Variants in NTRK3 observed in about 807,000 individuals in gnomAD.
NTRK3 encodes NT-3 growth factor receptor.
NTRK3 carries 24 observed loss-of-function variants against 91.7 expected under a neutral mutation model. That is an observed-to-expected ratio of 0.26 (90% confidence interval 0.19 to 0.37). The LOEUF (loss-of-function observed/expected upper bound fraction) is 0.37, where lower values mean the gene tolerates loss of function less well. Among genes scored for constraint, NTRK3 ranks in the 10% least tolerant of loss-of-function variants. The pLI is 1.00. For synonymous variants in NTRK3, 483 were observed against 404.0 expected (o/e 1.20, Z -2.34); for missense variants, 880 against 1,068.9 (o/e 0.82, Z 2.46).
intron 15 of NTRK3, among the ~76,000 whole-genome samples, chr15:87,935,604 A>G (rs1219917357): frequency 1.3e-5 from 2 of 152,178 alleles, no homozygotes; most frequent in Non-Finnish European, 2.9e-5. Flanking sequence ...TGAACCCAGC[A>G]TGGGTGGGAT....
At chr15:88,049,911 A>C (rs976416504) in intron 13 of NTRK3, among the ~76,000 whole-genome samples, 3 of 152,260 alleles carry the variant, frequency 2.0e-5, no homozygotes, top group Non-Finnish European at 4.4e-5. Context: ...TTAGACAGTG[A>C]AGAAGTTTTG....
chr15:87,914,038 C>A (rs771934591), intron 17 of NTRK3, among the ~76,000 whole-genome samples: 5 of 152,166 alleles, frequency 3.3e-5, no homozygotes, highest in Non-Finnish European at 7.3e-5. Flanking sequence ...TATTTCTGAA[C>A]CTGCTGAGAA....
At chr15:88,188,377 G>C (rs1481676488) in intron 3 of NTRK3, among the ~76,000 whole-genome samples, 1 of 152,180 alleles carries the variant, frequency 6.6e-6, no homozygotes, top group African/African-American at 2.4e-5. Context: ...ATTTTTGATT[G>C]TCACAGCTGG....
At chr15:87,898,343 T>A (rs2066253064) in intron 17 of NTRK3, among the ~76,000 whole-genome samples, 1 of 152,150 alleles carries the variant, frequency 6.6e-6, no homozygotes, top group African/African-American at 2.4e-5. Context: ...TTCAAGGCAG[T>A]TCCACCTAAG....
At chr15:88,187,310 G>A (rs1166400279) in intron 3 of NTRK3, among the ~76,000 whole-genome samples, 1 of 152,142 alleles carries the variant, frequency 6.6e-6, no homozygotes, top group African/African-American at 2.4e-5. Context: ...CCACATCAGA[G>A]CAGGTTCCGA....
At chr15:88,141,448 G>A (rs564987378) in intron 6 of NTRK3, among the ~76,000 whole-genome samples, 1 of 152,336 alleles carries the variant, frequency 6.6e-6, no homozygotes, top group African/African-American at 2.4e-5. Flanking sequence ...GGCTCACACT[G>A]CAGGGGCTGC....
At chr15:88,178,821 C>A (rs1376580537) in intron 5 of NTRK3, among the ~76,000 whole-genome samples, 1 of 152,206 alleles carries the variant, frequency 6.6e-6, no homozygotes, top group Non-Finnish European at 1.5e-5. Context: ...CTCAACAGAG[C>A]TCTTTGAGGA....
chr15:87,878,976 G>T (rs577947276), intron 18 of NTRK3, among the ~76,000 whole-genome samples: 1 of 149,772 alleles, frequency 6.7e-6, no homozygotes, highest in South Asian at 2.1e-4. Context: ...CCTCCCCTGC[G>T]AAAACAGTAA....
At chr15:87,936,693 C>T (rs1369183598) in intron 15 of NTRK3, among the ~76,000 whole-genome samples, 2 of 152,100 alleles carry the variant, frequency 1.3e-5, no homozygotes, top group Non-Finnish European at 2.9e-5. Flanking sequence ...CACGCACGCA[C>T]ACATGCACAC....
intron 3 of NTRK3, among the ~76,000 whole-genome samples, chr15:88,221,856 C>T (rs1454119567): frequency 2.0e-5 from 3 of 152,084 alleles, no homozygotes; most frequent in Non-Finnish European, 2.9e-5. Context: ...ACCGATTAGG[C>T]TGCACAATAG....
At chr15:88,081,710 C>T (rs1057055249) in intron 13 of NTRK3, among the ~76,000 whole-genome samples, 1 of 152,222 alleles carries the variant, frequency 6.6e-6, no homozygotes, top group African/African-American at 2.4e-5. Context: ...AAAGTGGTCT[C>T]TCCATAAATG....
intron 12 of NTRK3, 103 bp downstream of exon 12, chr15:88,127,059 A>T (rs897150493): frequency 2.9e-6 from 3 of 1,042,452 alleles, no homozygotes; most frequent in Admixed American, 4.2e-5. Context: ...TTTTTTTTTC[A>T]AAGTTTCAAG....
Position 88,216,887 on chromosome 15 carries a change from TC to T in NTRK3, c.249-32589del, listed in dbSNP as rs753465864. Among the ~76,000 whole-genome samples the T allele has an allele frequency of 2.4e-4, 36 of 152,258 alleles. 1 individual carries two copies. The highest frequency in any genetic ancestry group is 4.0e-4 in the Non-Finnish European group (27 of 68,002). On this transcript the variant is annotated intron_variant, in intron 3 of 18. Transcript: ENST00000394480. Reference sequence around the variant, plus strand: ...GGCCCTACTTGTCTTAATCTGCAAGTCCCATTAGGATAAGAACTATATTTGG... The same window carrying T: ...GGCCCTACTTGTCTTAATCTGCAAGTCCATTAGGATAAGAACTATATTTGG...
intron 13 of NTRK3, chr15:88,072,912 AGAG>A (rs2047214824): frequency 4.4e-6 from 1 of 229,804 alleles, no homozygotes; most frequent in Non-Finnish European, 8.6e-6. Context: ...GCTCACCTTC[AGAG>A]GAGAGAAAAA....
intron 13 of NTRK3, among the ~76,000 whole-genome samples, chr15:88,052,078 T>C (rs2080879908): frequency 6.6e-6 from 1 of 152,204 alleles, no homozygotes; most frequent in African/African-American, 2.4e-5. Flanking sequence ...CCAATAAATG[T>C]TAAAGGACAA....
chr15:88,216,007 G>A (rs2049733481), intron 3 of NTRK3, among the ~76,000 whole-genome samples: 1 of 152,080 alleles, frequency 6.6e-6, no homozygotes, highest in South Asian at 2.1e-4. Context: ...CATTATAATT[G>A]GAGAAAGCAA....
At chr15:87,887,088 G>A (rs79391056) in intron 17 of NTRK3, among the ~76,000 whole-genome samples, 31 of 152,138 alleles carry the variant, frequency 2.0e-4, no homozygotes, top group African/African-American at 6.7e-4. Context: ...CCCAGAAGAG[G>A]TATTCCAGTT....
chr15:88,035,040 A>C (rs1183611962), intron 13 of NTRK3, among the ~76,000 whole-genome samples: 5 of 152,242 alleles, frequency 3.3e-5, no homozygotes, highest in African/African-American at 1.2e-4. Flanking sequence ...TCTGTGCACA[A>C]AGAGAAAGAG....
intron 15 of NTRK3, among the ~76,000 whole-genome samples, chr15:87,935,203 A>G (rs983727878): frequency 6.6e-6 from 1 of 152,198 alleles, no homozygotes; most frequent in African/African-American, 2.4e-5. Flanking sequence ...AGGACATGGA[A>G]GTATAGAAGA....
Sources: allele counts gnomAD v4.1 joint callset (sites outside exome capture counted in the v4.1 genomes callset), GRCh38; gene constraint gnomAD v4.1.1; transcripts MANE v1.5; gene names NCBI Gene and HGNC (gene_info 2026-07-23, HGNC 2026-07-21).